ZRANB1: variants seen among roughly 807,000 people sequenced by gnomAD.
The protein encoded by ZRANB1 is zinc finger RANBP2-type containing 1, also known as ubiquitin thioesterase ZRANB1.
A neutral mutation model predicts 80.5 loss-of-function variants in ZRANB1; 16 were observed. The ratio of observed to expected loss-of-function variants is 0.20; its 90% CI spans 0.13 to 0.30. The LOEUF is 0.30. Among genes scored for constraint, ZRANB1 ranks in the 10% least tolerant of loss-of-function variants. ZRANB1 has a pLI of 1.00. For synonymous variants in ZRANB1, 291 were observed against 293.1 expected (o/e 0.99, Z 0.07); for missense variants, 576 against 862.6 (o/e 0.67, Z 4.16).
rs1951934139 is a variant in ZRANB1 at position 124,981,580 on chromosome 10, A to G, written c.1428-129A>G. ...TCATTAGAAAAATACATTACCAACC[A>G]GACAAAATAAAATTATTAATTGTTT... On this transcript the variant is annotated intron_variant, in intron 5 of 8. Transcript: ENST00000359653. The G allele has an allele frequency of 4.5e-6, 4 of 894,592 alleles. No individual in the cohort carries two copies. In the South Asian group the frequency reaches 8.7e-5, roughly 19 times the overall value. The allele number at this position is 894,592 out of a possible 1,614,324, so 55.4% of individuals were successfully genotyped here.
the ZRANB1 span, chr10:124,917,226 G>C: frequency 5.8e-6 from 1 of 171,840 alleles, no homozygotes; most frequent in Admixed American, 6.6e-5. Context: ...AGCGCCCGTC[G>C]GACGGGGAGG....
chr10:124,974,469 TA>T, intron 5 of ZRANB1, 71 bp downstream of exon 5: 5 of 1,480,786 alleles, frequency 3.4e-6, no homozygotes, highest in Non-Finnish European at 4.7e-6. Flanking sequence ...AGTGGTGGGA[TA>T]CTTTTTATGT....
upstream of ZRANB1, among the ~76,000 whole-genome samples, chr10:124,937,517 A>G (rs1181705966): frequency 6.6e-6 from 1 of 151,844 alleles, no homozygotes; most frequent in Non-Finnish European, 1.5e-5. Context: ...GTTCTCTATG[A>G]TTGTTTAGTA....
intron 2 of ZRANB1, among the ~76,000 whole-genome samples, chr10:124,970,177 A>T (rs1319796536): frequency 1.3e-5 from 2 of 152,324 alleles, no homozygotes; most frequent in East Asian, 3.9e-4. Flanking sequence ...TCATGGAGTT[A>T]AGATATAGTG....
intron 5 of ZRANB1, among the ~76,000 whole-genome samples, chr10:124,981,018 G>C (rs1951927939): frequency 6.6e-6 from 1 of 152,230 alleles, no homozygotes; most frequent in Admixed American, 6.5e-5. Context: ...GTTATAAACA[G>C]ATTAAATGTC....
At chr10:124,961,591 A>G (rs1016826583) in intron 1 of ZRANB1, among the ~76,000 whole-genome samples, 1 of 152,216 alleles carries the variant, frequency 6.6e-6, no homozygotes, top group South Asian at 2.1e-4. Flanking sequence ...TATTTTCACA[A>G]GAGTGGGTTG....
the ZRANB1 span, among the ~76,000 whole-genome samples, chr10:124,921,077 T>C: frequency 2.6e-5 from 4 of 152,236 alleles, no homozygotes; most frequent in African/African-American, 9.6e-5. Flanking sequence ...CATACTTCTT[T>C]GCCCTGTAGA....
chr10:124,985,279 G>T lies in ZRANB1; in HGVS notation c.*287G>T. 3.4e-6 allele frequency: 1 copy of T among 296,516 alleles called. No homozygotes were observed. The highest frequency in any genetic ancestry group is 4.9e-5 in the Admixed American group (1 of 20,486). 18.4% of individuals were successfully genotyped at this position (296,516 alleles called of 1,614,324 possible). On this transcript the variant is annotated 3_prime_UTR_variant, in exon 9 of 9. Transcript: ENST00000359653. Reference sequence around the variant, plus strand: ...ATCTGTCTATAAATGTAACGCATGTGGTTGTGTAAGACATTGTTTAATAGG... The same window carrying T: ...ATCTGTCTATAAATGTAACGCATGTTGTTGTGTAAGACATTGTTTAATAGG...
intron 3 of ZRANB1, among the ~76,000 whole-genome samples, 170 bp from the exon 4 acceptor site, chr10:124,973,475 T>C (rs554937287): frequency 2.3e-4 from 35 of 152,360 alleles, no homozygotes; most frequent in African/African-American, 8.4e-4. Flanking sequence ...AAATATTTTA[T>C]ATCACACATG....
chr10:124,963,205 G>T (rs1266565842), intron 1 of ZRANB1, among the ~76,000 whole-genome samples: 1 of 146,118 alleles, frequency 6.8e-6, no homozygotes, highest in Non-Finnish European at 1.5e-5. Context: ...GGTGGAGGTT[G>T]CAGTGAGCTA....
the ZRANB1 span, among the ~76,000 whole-genome samples, chr10:124,917,426 C>A: frequency 6.6e-6 from 1 of 151,280 alleles, no homozygotes; most frequent in Non-Finnish European, 1.5e-5. Flanking sequence ...CCCGGGCCGC[C>A]GCTGTCGGCG....
chr10:124,930,471 G>A, the ZRANB1 span, among the ~76,000 whole-genome samples: 1 of 152,106 alleles, frequency 6.6e-6, no homozygotes, highest in Admixed American at 6.6e-5. Flanking sequence ...TCACCATGTT[G>A]GCCAGGCTGG....
At chr10:124,930,681 G>A in the ZRANB1 span, among the ~76,000 whole-genome samples, 1 of 152,068 alleles carries the variant, frequency 6.6e-6, no homozygotes, top group Non-Finnish European at 1.5e-5. Flanking sequence ...TTATTAAAGG[G>A]AAATATTATA....
rs773977335 is a variant in ZRANB1 at position 124,984,781 on chromosome 10, A to G, written c.1916A>G (p.Asn639Ser). Residue 639 changes from asparagine to serine, a missense_variant, in exon 9 of 9, where the codon AAT becomes AGT. Asn to Ser is a conservative substitution (Grantham distance 46). Coordinates refer to ENST00000359653, the MANE Select transcript of ZRANB1 (RefSeq NM_017580.3). ...VHFLSAQELG[N>S]EEQQEKLLRE... ...TTCATATTCCTCCAAAAGCTAGGTA[A>G]TGAGGAACAGCAAGAAAAACTGCTC... 6.2e-7 allele frequency: 1 copy of G among 1,613,408 alleles called. No individual in the cohort carries two copies. Among genetic ancestry groups the G allele is most frequent in the Non-Finnish European group, 8.5e-7 (1 of 1,179,614 alleles).
chr10:124,926,640 G>A, the ZRANB1 span, among the ~76,000 whole-genome samples: 1 of 151,956 alleles, frequency 6.6e-6, no homozygotes, highest in Non-Finnish European at 1.5e-5. Flanking sequence ...TTTTTTAAAG[G>A]AAGTAGGAGT....
intron 5 of ZRANB1, among the ~76,000 whole-genome samples, chr10:124,980,695 C>T (rs1951923829): frequency 6.6e-6 from 1 of 152,182 alleles, no homozygotes; most frequent in African/African-American, 2.4e-5. Flanking sequence ...ATTTTAATTT[C>T]TTTAGGAAAT....
intron 2 of ZRANB1, among the ~76,000 whole-genome samples, chr10:124,970,836 T>TG (rs1373225644): frequency 5.4e-4 from 54 of 99,806 alleles, no homozygotes; most frequent in Non-Finnish European, 8.1e-4. Context: ...CTTTGGGGTT[T>TG]TTTTTTTTTT....
At chr10:124,929,486 C>G in the ZRANB1 span, among the ~76,000 whole-genome samples, 1 of 151,842 alleles carries the variant, frequency 6.6e-6, no homozygotes, top group South Asian at 2.1e-4. Flanking sequence ...CAGGTGCGCA[C>G]CACCACACCT....
In ZRANB1 at chr10:124,988,036, TAA is replaced by T. The variant is rs1952111870; in HGVS notation, c.*3046_*3047del. 6.6e-6 allele frequency: 1 copy of T among 152,394 alleles called. No homozygotes were observed. Among genetic ancestry groups the T allele is most frequent in the Non-Finnish European group, 1.5e-5 (1 of 68,016 alleles). 9.4% of individuals were successfully genotyped at this position (152,394 alleles called of 1,614,324 possible). A position where few individuals can be genotyped will look rare whatever the true frequency, so the allele number is the denominator to read the frequency against. On this transcript the variant is annotated 3_prime_UTR_variant, in exon 9 of 9. Transcript: ENST00000359653. The stretch of plus-strand genomic sequence containing the variant: ...CAGGTCATTTTGCTTTGGGGTAGAT[TAA>T]AGTCAGAACTCTAAAAGTTGAGCAA...
Sources: gnomAD v4.1 joint callset for allele counts (sites outside exome capture counted in the v4.1 genomes callset) on GRCh38, gnomAD v4.1.1 for gene constraint, MANE v1.5 for transcripts, NCBI Gene and HGNC (gene_info 2026-07-23, HGNC 2026-07-21) for gene names.